The following EED variants were observed in gnomAD, a reference collection of about 807,000 sequenced individuals.
The protein encoded by EED is embryonic ectoderm development.
In EED, 9 loss-of-function variants were observed where a neutral mutation model predicts 61.0. That is an observed-to-expected ratio of 0.15 (90% CI 0.09 to 0.26). The LOEUF is 0.26. Among genes scored for constraint, EED ranks in the 10% least tolerant of loss-of-function variants. The pLI, the probability that EED is intolerant of heterozygous loss-of-function variation, is 1.00. For synonymous variants in EED, 187 were observed against 174.4 expected (o/e 1.07, Z -0.57); for missense variants, 315 against 542.3 (o/e 0.58, Z 4.16).
downstream of EED, among the ~76,000 whole-genome samples, chr11:86,282,975 C>CA (rs532126728): frequency 1.1e-4 from 17 of 150,500 alleles, no homozygotes; most frequent in South Asian, 1.7e-3. Context: ...ACTACAAATA[C>CA]AAAAAAAAAT....
At chr11:86,278,194 T>C (rs1185821733) in intron 11 of EED, 2 of 1,322,456 alleles carry the variant, frequency 1.5e-6, no homozygotes, top group African/African-American at 3.0e-5. Context: ...TTCTTGTTTT[T>C]ATACAAATTA....
At chr11:86,259,059 G>A (rs1201824119) in intron 6 of EED, among the ~76,000 whole-genome samples, 4 of 151,082 alleles carry the variant, frequency 2.6e-5, no homozygotes. Context: ...GTAGAGATGA[G>A]GTTTCTCCAT....
At chr11:86,283,274 TAAA>T (rs942206922), downstream of EED, among the ~76,000 whole-genome samples, 1 of 151,932 alleles carries the variant, frequency 6.6e-6, no homozygotes, top group Non-Finnish European at 1.5e-5. Context: ...CAATAAAAAA[TAAA>T]AAAATAAATA....
At chr11:86,246,473 A>G (rs1945394743) in intron 1 of EED, among the ~76,000 whole-genome samples, 1 of 152,208 alleles carries the variant, frequency 6.6e-6, no homozygotes. Flanking sequence ...CCTAGCTGAA[A>G]CATATAATGA....
Position 86,256,525 on chromosome 11 carries a change from G to T in EED, c.552+13G>T. 6.5e-7 allele frequency: 1 copy of T among 1,537,508 alleles called. No individual in the cohort carries two copies. The highest frequency in any genetic ancestry group is 8.8e-7 in the Non-Finnish European group (1 of 1,135,992). On this transcript the variant is annotated intron_variant, in intron 5 of 11. Coordinates refer to ENST00000263360, the MANE Select transcript of EED (RefSeq NM_003797.5). ...GCAGTGTATAAAGGTGGGTTTTTCT[G>T]GTTAAATTGTAGATCTGCTTCTTTT... is the stretch of plus-strand genomic sequence containing the variant.
intron 3 of EED, 54 bp from the exon 4 acceptor site, chr11:86,255,168 A>G (rs1945637435): frequency 1.5e-6 from 2 of 1,357,882 alleles, no homozygotes; most frequent in Non-Finnish European, 2.1e-6. Context: ...AAAGTTGGAG[A>G]GAGTATGTTT....
At chr11:86,267,934 A>G (rs1162681349) in intron 8 of EED, 1 of 152,058 alleles carries the variant, frequency 6.6e-6, no homozygotes, top group Non-Finnish European at 1.5e-5. Context: ...CCTGTAAGGC[A>G]TCATTTTCAG....
At chr11:86,279,068 T>C (rs923107764), downstream of EED, among the ~76,000 whole-genome samples, 8 of 152,268 alleles carry the variant, frequency 5.3e-5, no homozygotes, top group African/African-American at 1.2e-4. Context: ...GCCCTAAATG[T>C]ATTCTGTGTT....
At chr11:86,278,259 G>A (rs1946277036) in intron 11 of EED, 140 bp from the exon 12 acceptor site, 6 of 1,380,240 alleles carry the variant, frequency 4.3e-6, no homozygotes, top group Admixed American at 6.1e-5. Flanking sequence ...TTGAGACTGA[G>A]CTCTTAGTGA....
intron 1 of EED, among the ~76,000 whole-genome samples, chr11:86,249,593 C>T (rs949368941): frequency 3.3e-5 from 5 of 152,140 alleles, no homozygotes; most frequent in Admixed American, 6.5e-5. Flanking sequence ...AGGTTTCCTG[C>T]AGTCATTTCT....
intron 5 of EED, among the ~76,000 whole-genome samples, 194 bp downstream of exon 5, chr11:86,256,706 G>A (rs1055212893): frequency 2.0e-5 from 3 of 152,134 alleles, no homozygotes; most frequent in Non-Finnish European, 2.9e-5. Flanking sequence ...GGAATAAGTG[G>A]GAAAATGTTA....
chr11:86,281,632 C>T (rs1280542887), downstream of EED, among the ~76,000 whole-genome samples: 1 of 152,066 alleles, frequency 6.6e-6, no homozygotes, highest in African/African-American at 2.4e-5. Flanking sequence ...TTTCATTTGT[C>T]TCAAGGTATC....
chr11:86,245,939 G>A (rs1225212026), intron 1 of EED, among the ~76,000 whole-genome samples: 2 of 152,074 alleles, frequency 1.3e-5, no homozygotes, highest in Non-Finnish European at 2.9e-5. Context: ...TTGGGGGTGG[G>A]GAGTGACTAC....
At chr11:86,245,438 G>A in intron 1 of EED, 95 bp downstream of exon 1, 1 of 1,013,380 alleles carries the variant, frequency 9.9e-7, no homozygotes. Flanking sequence ...TGCTGTGGGG[G>A]GAGGGAGAGG....
chr11:86,253,259 AAAC>A (rs1945581844), intron 3 of EED, among the ~76,000 whole-genome samples: 1 of 152,228 alleles, frequency 6.6e-6, no homozygotes, highest in African/African-American at 2.4e-5. Flanking sequence ...GATTCTTTGA[AAAC>A]AACAATTCAG....
chr11:86,279,423 A>G (rs1293820645), downstream of EED, among the ~76,000 whole-genome samples: 1 of 152,222 alleles, frequency 6.6e-6, no homozygotes, highest in Non-Finnish European at 1.5e-5. Flanking sequence ...GATTGAGATC[A>G]TAAGGTTGGG....
At chr11:86,245,419 C>T (rs934481234) in intron 1 of EED, 76 bp downstream of exon 1, 1 of 1,245,064 alleles carries the variant, frequency 8.0e-7, no homozygotes, top group Admixed American at 2.2e-5. Flanking sequence ...GGCGCGGGGA[C>T]GAGCGGGCTG....
At chr11:86,256,313 A>T in intron 4 of EED, 74 bp from the exon 5 acceptor site, 2 of 1,370,482 alleles carry the variant, frequency 1.5e-6, no homozygotes, top group Non-Finnish European at 1.9e-6. Context: ...GCAGTTCTTT[A>T]TAAGTTTCTA....
chr11:86,284,082 CG>C, the EED span: 5 of 152,230 alleles, frequency 3.3e-5, no homozygotes, highest in African/African-American at 1.2e-4. Context: ...CACCCTCTAT[CG>C]GGTCCTGAGG....
Sources: gnomAD v4.1 joint callset for allele counts (sites outside exome capture counted in the v4.1 genomes callset) on GRCh38, gnomAD v4.1.1 for gene constraint, MANE v1.5 for transcripts, NCBI Gene and HGNC (gene_info 2026-07-23, HGNC 2026-07-21) for gene names.